Variants in MYO18B observed in about 807,000 individuals in gnomAD.
MYO18B encodes unconventional myosin-XVIIIb.
In MYO18B, 204 loss-of-function variants were observed where a neutral mutation model predicts 273.0. The observed-to-expected ratio is 0.75, with a 90% CI of 0.67 to 0.84. The LOEUF (loss-of-function observed/expected upper bound fraction) is 0.84. MYO18B is among the 40% of genes least tolerant of loss of function. MYO18B has a pLI of 0.00. For synonymous variants in MYO18B, 1,330 were observed against 1,305.7 expected (o/e 1.02, Z -0.40); for missense variants, 3,212 against 3,287.6 (o/e 0.98, Z 0.56).
At chr22:25,809,055 G>T (rs1201383555) in intron 12 of MYO18B, among the ~76,000 whole-genome samples, 5 of 152,056 alleles carry the variant, frequency 3.3e-5, no homozygotes. Context: ...GAAATTCTCT[G>T]CCTTAGCCTC....
At chr22:25,784,914 C>A (rs2033874550) in intron 10 of MYO18B, among the ~76,000 whole-genome samples, 1 of 152,176 alleles carries the variant, frequency 6.6e-6, no homozygotes, top group Non-Finnish European at 1.5e-5. Context: ...GGAGTCTGGG[C>A]TCGAGGGGCC....
At chr22:25,872,780 G>T (rs1361245534) in intron 22 of MYO18B, among the ~76,000 whole-genome samples, 1 of 152,094 alleles carries the variant, frequency 6.6e-6, no homozygotes, top group Admixed American at 6.5e-5. Context: ...GTTTAGTCCA[G>T]TTCCAAAACA....
intron 21 of MYO18B, among the ~76,000 whole-genome samples, chr22:25,856,538 T>A (rs1305962747): frequency 6.6e-6 from 1 of 152,212 alleles, no homozygotes; most frequent in African/African-American, 2.4e-5. Flanking sequence ...AAACATTTGA[T>A]GTTTCCAAGG....
intron 40 of MYO18B, among the ~76,000 whole-genome samples, chr22:25,999,466 C>A (rs1933682770): frequency 6.6e-6 from 1 of 152,000 alleles, no homozygotes; most frequent in Admixed American, 6.6e-5. Flanking sequence ...TCTCGCTCAT[C>A]ATCAACACCC....
chr22:25,805,006 T>A, intron 12 of MYO18B, among the ~76,000 whole-genome samples: 1 of 152,180 alleles, frequency 6.6e-6, no homozygotes, highest in East Asian at 1.9e-4. Context: ...GGCAAGGAGA[T>A]GCTCATCTCT....
intron 34 of MYO18B, among the ~76,000 whole-genome samples, chr22:25,922,615 G>A (rs1490149377): frequency 6.6e-6 from 1 of 152,268 alleles, no homozygotes; most frequent in East Asian, 1.9e-4. Context: ...CCTTCTTGGA[G>A]GGTTACTGTC....
rs2146911685 is a variant in MYO18B at position 26,003,263 on chromosome 22, A to G, written c.6288-2A>G. 6.2e-7 allele frequency: 1 copy of G among 1,608,536 alleles called. No individual in the cohort carries two copies. On this transcript the variant is annotated splice_acceptor_variant, in intron 40 of 43. Transcript: ENST00000335473. LOFTEE classifies it high-confidence loss of function. The stretch of plus-strand genomic sequence containing the variant: ...CACACTCTTTCTTGTGCCTCTTACT[A>G]GTGTCCAGACGGCAGTGGATTGTGG...
intron 16 of MYO18B, among the ~76,000 whole-genome samples, chr22:25,834,814 C>A (rs1485220616): frequency 1.3e-5 from 2 of 152,128 alleles, no homozygotes; most frequent in East Asian, 3.9e-4. Context: ...TCTTTGAGTG[C>A]TTTTTTTCTC....
chr22:25,826,562 A>C, intron 14 of MYO18B, 63 bp downstream of exon 14: 1 of 1,446,520 alleles, frequency 6.9e-7, no homozygotes, highest in Admixed American at 1.8e-5. Context: ...GAATTCACAT[A>C]CCGGGCAGTT....
At position 25,769,122 on chromosome 22, in the gene MYO18B, C is replaced by T. The variant is rs768901054; in HGVS notation, c.1206C>T (p.Ser402=). The change falls in exon 4 of 44, where the codon TCC becomes TCT. Residue 402 remains serine (S), a synonymous_variant. Coordinates refer to ENST00000335473, the MANE Select transcript of MYO18B (RefSeq NM_032608.7). ...AGATGGGGCAACCCCAGGGTAAGTC[C>T]GGGAACGCAGGTGAAGCTCGGAGTC... is the stretch of plus-strand genomic sequence containing the variant. The part of the protein sequence containing the change: ...KEKMGQPQGK[S]GNAGEARSQT... 45 of 1,613,396 alleles carry T rather than the reference C, an allele frequency of 2.8e-5. No individual in the cohort carries two copies. The highest frequency in any genetic ancestry group is 6.7e-5 in the East Asian group (3 of 44,872).
At chr22:25,755,589 CAGTG>C (rs1000452195) in intron 1 of MYO18B, among the ~76,000 whole-genome samples, 1 of 152,232 alleles carries the variant, frequency 6.6e-6, no homozygotes, top group African/African-American at 2.4e-5. Flanking sequence ...GTGTCATCCG[CAGTG>C]TTGGAGGTGG....
At position 25,812,949 on chromosome 22, in the gene MYO18B, C is replaced by T. The variant is rs73402000; in HGVS notation, c.2522-10556C>T. On this transcript the variant is annotated intron_variant, in intron 12 of 43. Transcript: ENST00000335473. The stretch of plus-strand genomic sequence containing the variant: ...TTGATCTTGTTTGACTCTGTCCCTC[C>T]TTCCCTCCTTTCTCCTCTTTCTCTT... 8.9e-3 allele frequency among the ~76,000 whole-genome samples: 1,345 copies of T among 151,816 alleles called. 12 individuals are homozygous for T. The highest frequency in any genetic ancestry group is 0.031 in the African/African-American group (1,298 of 41,414).
At chr22:25,992,576 G>A in intron 40 of MYO18B, 83 bp downstream of exon 40, 1 of 1,576,960 alleles carries the variant, frequency 6.3e-7, no homozygotes, top group Non-Finnish European at 8.6e-7. Flanking sequence ...GCCGGGCTGG[G>A]GCCACATTCA....
intron 42 of MYO18B, among the ~76,000 whole-genome samples, chr22:26,017,515 G>A (rs780426673): frequency 5.9e-5 from 9 of 151,914 alleles, no homozygotes; most frequent in Admixed American, 3.9e-4. Context: ...TATCAGTATC[G>A]CACTTAGGAA....
At chr22:25,765,422 G>A (rs133896) in intron 3 of MYO18B, among the ~76,000 whole-genome samples, 37,060 of 152,122 alleles carry the variant, frequency 0.24, 4,777 homozygotes, top group African/African-American at 0.32. Flanking sequence ...TTGCAGGAAT[G>A]GAAAACAAGG....
At chr22:25,843,398 T>G (rs929917500) in intron 17 of MYO18B, among the ~76,000 whole-genome samples, 2 of 152,192 alleles carry the variant, frequency 1.3e-5, no homozygotes, top group Non-Finnish European at 2.9e-5. Flanking sequence ...TGTACTGTAC[T>G]TGTGAAAATG....
chr22:25,893,641 G>A (rs546875943), intron 27 of MYO18B, among the ~76,000 whole-genome samples: 1 of 152,230 alleles, frequency 6.6e-6, no homozygotes, highest in East Asian at 1.9e-4. Flanking sequence ...TTTTACCTTG[G>A]TGGAAGCTTG....
chr22:25,760,491 G>A (rs1319385261), intron 1 of MYO18B, among the ~76,000 whole-genome samples: 1 of 150,442 alleles, frequency 6.6e-6, no homozygotes, highest in African/African-American at 2.5e-5. Context: ...AAGGGAGCAT[G>A]AGGGAAGTTC....
At chr22:26,010,458 G>C (rs1601825512) in intron 42 of MYO18B, among the ~76,000 whole-genome samples, 1 of 150,430 alleles carries the variant, frequency 6.6e-6, no homozygotes, top group South Asian at 2.1e-4. Context: ...GGGTAGATCT[G>C]TTTTCTAATA....
Sources: allele counts gnomAD v4.1 joint callset (sites outside exome capture counted in the v4.1 genomes callset), GRCh38; gene constraint gnomAD v4.1.1; transcripts MANE v1.5; gene names NCBI Gene and HGNC (gene_info 2026-07-23, HGNC 2026-07-21).